Variants in ADAM12 observed in about 807,000 individuals in gnomAD.
ADAM12 encodes the protein ADAM metallopeptidase domain 12, also known as disintegrin and metalloproteinase domain-containing protein 12.
ADAM12 carries 70 observed loss-of-function variants against 106.4 expected under a neutral mutation model. The ratio of observed to expected loss-of-function variants is 0.66; its 90% CI spans 0.54 to 0.80. The LOEUF is 0.80. ADAM12 is among the 30% of genes least tolerant of loss of function. The pLI, the probability that ADAM12 is intolerant of heterozygous loss-of-function variation, is 0.00. For synonymous variants in ADAM12, 420 were observed against 433.5 expected, an observed-to-expected ratio of 0.97 and a Z score of 0.39; for missense variants, 1,010 against 1,171.9, an observed-to-expected ratio of 0.86 and a Z score of 2.02.
At chr10:126,286,920 T>G (rs1353209548) in intron 2 of ADAM12, among the ~76,000 whole-genome samples, 1 of 152,186 alleles carries the variant, frequency 6.6e-6, no homozygotes, top group Non-Finnish European at 1.5e-5. Context: ...TGTTCAAACG[T>G]TGGATTATTT....
At chr10:126,039,473 T>C (rs1166164595) in intron 18 of ADAM12, 44 bp from the exon 19 acceptor site, 1 of 1,612,014 alleles carries the variant, frequency 6.2e-7, no homozygotes, top group Non-Finnish European at 8.5e-7. Context: ...GCAGTTACAA[T>C]GAAATATGGG....
chr10:126,279,986 T>C (rs537881260), intron 2 of ADAM12, among the ~76,000 whole-genome samples: 30 of 152,350 alleles, frequency 2.0e-4, no homozygotes, highest in African/African-American at 6.7e-4. Flanking sequence ...GAATGAGAAG[T>C]TTATACATAC....
At chr10:126,322,043 C>T (rs1854120866) in intron 2 of ADAM12, among the ~76,000 whole-genome samples, 1 of 152,150 alleles carries the variant, frequency 6.6e-6, no homozygotes. Flanking sequence ...AGCCAATGCA[C>T]TGCCTGTTTT....
intron 1 of ADAM12, among the ~76,000 whole-genome samples, chr10:126,360,424 C>T (rs1343463063): frequency 6.6e-6 from 1 of 152,188 alleles, no homozygotes; most frequent in Non-Finnish European, 1.5e-5. Flanking sequence ...CCCAAGTCAC[C>T]TCTTGAATGC....
At chr10:126,057,472 T>C (rs1478478655) in intron 14 of ADAM12, among the ~76,000 whole-genome samples, 11 of 151,886 alleles carry the variant, frequency 7.2e-5, no homozygotes, top group Non-Finnish European at 1.5e-4. Flanking sequence ...CAGGCTGTAA[T>C]GAGAAATCTC....
intron 3 of ADAM12, among the ~76,000 whole-genome samples, chr10:126,177,590 A>G (rs12356272): frequency 0.23 from 34,860 of 152,180 alleles, 4,629 homozygotes; most frequent in Middle Eastern, 0.31. Context: ...CGATGATAGG[A>G]ATAGATTTTG....
chr10:126,249,031 T>G (rs1958689360), intron 3 of ADAM12, among the ~76,000 whole-genome samples: 1 of 152,050 alleles, frequency 6.6e-6, no homozygotes, highest in Admixed American at 6.6e-5. Flanking sequence ...CTATTTCATT[T>G]CCAGAACCAA....
chr10:126,248,025 G>A (rs1479130794), intron 3 of ADAM12, among the ~76,000 whole-genome samples: 1 of 152,174 alleles, frequency 6.6e-6, no homozygotes, highest in Non-Finnish European at 1.5e-5. Flanking sequence ...GCTGGAGAAG[G>A]TATCAGATGT....
chr10:126,051,157 C>A (rs562083529), intron 14 of ADAM12, among the ~76,000 whole-genome samples: 1 of 152,278 alleles, frequency 6.6e-6, no homozygotes, highest in Admixed American at 6.5e-5. Context: ...CAGTGTGGAA[C>A]CTGCACTTTG....
rs2133573424 is a variant in ADAM12, at chr10:126,098,531, T to C, written c.912-31A>G. ...AAATAAAAGAGAGGACTTTCTTTAA[T>C]CAAATTAGAACGGGGGCATTCTCTA... is the stretch of plus-strand genomic sequence containing the variant. On this transcript the variant is annotated intron_variant, in intron 9 of 22. Transcript: ENST00000448723. 4 of 1,573,908 alleles carry C rather than the reference T, an allele frequency of 2.5e-6. No homozygotes were observed. The East Asian group carries it at 9.0e-5, about 35-fold the overall frequency.
At chr10:126,281,203 CA>C (rs770933522) in intron 2 of ADAM12, among the ~76,000 whole-genome samples, 8 of 152,176 alleles carry the variant, frequency 5.3e-5, no homozygotes, top group Non-Finnish European at 1.0e-4. Flanking sequence ...AAATATGTCT[CA>C]ATATTCTGTC....
chr10:126,325,171 G>T (rs1332802844), intron 2 of ADAM12, among the ~76,000 whole-genome samples: 1 of 152,176 alleles, frequency 6.6e-6, no homozygotes, highest in Non-Finnish European at 1.5e-5. Flanking sequence ...GGTCTCAGGA[G>T]CCCAAAGAAG....
intron 21 of ADAM12, among the ~76,000 whole-genome samples, chr10:126,028,901 A>G (rs1472410906): frequency 2.0e-5 from 3 of 152,204 alleles, no homozygotes; most frequent in African/African-American, 7.2e-5. Context: ...TAGCATCTAT[A>G]AGGAATTTAA....
chr10:126,071,723 C>T, intron 11 of ADAM12, 69 bp from the exon 12 acceptor site: 9 of 1,553,970 alleles, frequency 5.8e-6, no homozygotes, highest in Non-Finnish European at 7.9e-6. Flanking sequence ...TTCTTGTGCC[C>T]ACAAGAAGGC....
intron 3 of ADAM12, among the ~76,000 whole-genome samples, chr10:126,160,225 G>T (rs1956908152): frequency 6.6e-6 from 1 of 152,158 alleles, no homozygotes; most frequent in Admixed American, 6.5e-5. Flanking sequence ...AATGTTACGT[G>T]CGCTCACCAC....
At position 126,016,886 on chromosome 10, in the gene ADAM12, G is replaced by GGT. The variant is rs1231179432; in HGVS notation, c.*391_*392dup. On this transcript the variant is annotated 3_prime_UTR_variant, in exon 23 of 23. Coordinates refer to ENST00000448723, the MANE Select transcript of ADAM12 (RefSeq NM_001288973.2). ...ATCTGGTACCATAAGCACAGCTGGGGGTAGTTGGGGGACTGCTTTCCAATA... is the reference window on the plus strand; with the variant it reads ...ATCTGGTACCATAAGCACAGCTGGGGGTGTAGTTGGGGGACTGCTTTCCAATA... 2.5e-5 allele frequency: 4 copies of GGT among 160,928 alleles called. No individual in the cohort carries two copies. Among genetic ancestry groups the GGT allele is most frequent in the African/African-American group, 9.6e-5 (4 of 41,616 alleles). The allele number at this position is 160,928 out of a possible 1,614,324, so 10.0% of individuals were successfully genotyped here.
At chr10:126,091,613 A>G (rs914606813) in intron 11 of ADAM12, among the ~76,000 whole-genome samples, 3 of 24,072 alleles carry the variant, frequency 1.2e-4, no homozygotes, top group Non-Finnish European at 7.0e-4. Flanking sequence ...TAATGGGGGA[A>G]AAAAAAGCCT....
At chr10:126,244,271 T>TGTTGAGGC (rs1958586508) in intron 3 of ADAM12, among the ~76,000 whole-genome samples, 1 of 152,156 alleles carries the variant, frequency 6.6e-6, no homozygotes, top group African/African-American at 2.4e-5. Context: ...CTCTGAGAGA[T>TGTTGAGGC]CAGACAATCG....
chr10:126,115,232 T>A (rs1240579278), intron 6 of ADAM12, among the ~76,000 whole-genome samples: 1 of 152,226 alleles, frequency 6.6e-6, no homozygotes, highest in Non-Finnish European at 1.5e-5. Context: ...GAAAAGGCAA[T>A]TCAAAAATAA....
Sources: gnomAD v4.1 joint callset for allele counts (sites outside exome capture counted in the v4.1 genomes callset) on GRCh38, gnomAD v4.1.1 for gene constraint, MANE v1.5 for transcripts, NCBI Gene and HGNC (gene_info 2026-07-23, HGNC 2026-07-21) for gene names.